The following ATP7A variants were observed in gnomAD, a reference collection of about 807,000 sequenced individuals.
ATP7A encodes ATPase copper transporting alpha.
ATP7A carries 7 observed loss-of-function variants against 83.5 expected under a neutral mutation model. The ratio of observed to expected loss-of-function variants is 0.08; its 90% CI spans 0.05 to 0.16. The LOEUF (loss-of-function observed/expected upper bound fraction) is 0.16, where lower values mean the gene tolerates loss of function less well. Ranked by LOEUF, ATP7A falls within the 10% of genes least tolerant of loss-of-function variation. The pLI is 1.00. For synonymous variants in ATP7A, 354 were observed against 395.2 expected, an observed-to-expected ratio of 0.90 and a Z score of 1.24; for missense variants, 940 against 1,120.8, an observed-to-expected ratio of 0.84 and a Z score of 2.30.
At chrX:78,010,104 A>C (rs1460445072) in intron 7 of ATP7A, among the ~76,000 whole-genome samples, 2 of 112,732 alleles carry the variant, frequency 1.8e-5, no homozygotes, top group African/African-American at 6.4e-5. Flanking sequence ...TGTATAGATG[A>C]CATTATCATT....
At chrX:77,989,037 T>C (rs991384786) in intron 3 of ATP7A, among the ~76,000 whole-genome samples, 196 bp from the exon 4 acceptor site, 3 of 111,191 alleles carry the variant, frequency 2.7e-5, no homozygotes, top group Non-Finnish European at 5.7e-5. Flanking sequence ...TTGGAGACCA[T>C]AGCTACAGTG....
chrX:77,920,539 A>T (rs1380958620), intron 1 of ATP7A, among the ~76,000 whole-genome samples: 1 of 110,826 alleles, frequency 9.0e-6, no homozygotes, highest in East Asian at 2.8e-4. Context: ...TTTAGCTACC[A>T]CTTATAAGTG....
In ATP7A at chrX:78,003,550, T is replaced by A. The variant is rs782069237; in HGVS notation, c.1707+314T>A. 3.0e-4 allele frequency among the ~76,000 whole-genome samples: 33 copies of A among 110,703 alleles called. No individual in the cohort carries two copies. The South Asian group carries it at 9.5e-3, about 32-fold the overall frequency. ...TTCCAGTGCATTAAAGACTCAAATT[T>A]TATAAAGTCATAAAACCTGTGTAAG... On this transcript the variant is annotated intron_variant, in intron 6 of 22. Transcript: ENST00000341514.
chrX:77,998,338 T>G (rs2077717377), intron 4 of ATP7A, 140 bp from the exon 5 acceptor site: 4 of 584,915 alleles, frequency 6.8e-6, no homozygotes, highest in Admixed American at 5.2e-5. Context: ...AGAGATAACT[T>G]AATGCTAACG....
chrX:78,046,242 A>G, intron 22 of ATP7A, 52 bp from the exon 23 acceptor site: 2 of 1,171,057 alleles, frequency 1.7e-6, no homozygotes, highest in Non-Finnish European at 2.3e-6. Context: ...TGTAGCGAGC[A>G]TCTCATTTAC....
At chrX:77,914,327 T>A (rs1400181984) in intron 1 of ATP7A, among the ~76,000 whole-genome samples, 1 of 111,023 alleles carries the variant, frequency 9.0e-6, no homozygotes, top group African/African-American at 3.3e-5. Context: ...CATAACTCAC[T>A]GCAGTCTCGA....
In ATP7A at chrX:78,036,738, G is replaced by A. The variant is rs782435108; in HGVS notation, c.3512-2098G>A. On this transcript the variant is annotated intron_variant, in intron 17 of 22. Transcript: ENST00000341514. ...TCTACTAAAAATACAGAAATTAGTCGGGCGTGGTAGCAGGCACCTGTAATC... is the reference window on the plus strand; with the variant it reads ...TCTACTAAAAATACAGAAATTAGTCAGGCGTGGTAGCAGGCACCTGTAATC... Among the ~76,000 whole-genome samples the A allele has an allele frequency of 2.0e-4, 22 of 111,043 alleles. No individual in the cohort carries two copies. In the East Asian group the frequency reaches 5.4e-3, roughly 27 times the overall value.
chrX:77,933,164 C>T (rs1389807348), intron 1 of ATP7A, among the ~76,000 whole-genome samples: 1 of 111,700 alleles, frequency 9.0e-6, no homozygotes, highest in African/African-American at 3.3e-5. Flanking sequence ...CGAAACAACC[C>T]TCTGAAACAG....
In ATP7A at chrX:77,989,813, T is replaced by C; in HGVS notation, c.1191T>C (p.Gly397=). The change falls in exon 4 of 23, where the codon GGT becomes GGC. Residue 397 remains glycine, a synonymous_variant. Transcript: ENST00000341514. ...ATTCCTGTGTGCAGTCTATTGAGGGTGTCATATCAAAAAAGCCAGGTGTAA... is the reference window on the plus strand; with the variant it reads ...ATTCCTGTGTGCAGTCTATTGAGGGCGTCATATCAAAAAAGCCAGGTGTAA... ...TCNSCVQSIE[G]VISKKPGVKS... is the part of the protein sequence containing the mutation. The C allele has an allele frequency of 8.3e-7, 1 of 1,210,941 alleles. No individual in the cohort carries two copies. The highest frequency in any genetic ancestry group is 1.1e-6 in the Non-Finnish European group (1 of 895,123).
intron 17 of ATP7A, among the ~76,000 whole-genome samples, chrX:78,036,818 G>T (rs1269070806): frequency 9.0e-6 from 1 of 111,510 alleles, no homozygotes; most frequent in Non-Finnish European, 1.9e-5. Flanking sequence ...TCGGGGCAAG[G>T]GCAGAAGCAG....
At chrX:77,995,918 A>AT (rs1338808584) in intron 4 of ATP7A, among the ~76,000 whole-genome samples, 3 of 109,733 alleles carry the variant, frequency 2.7e-5, no homozygotes, top group East Asian at 2.9e-4. Context: ...TAATTTTTGT[A>AT]TTTTTTTTAG....
At chrX:77,999,606 A>T (rs1257258971) in intron 5 of ATP7A, among the ~76,000 whole-genome samples, 1 of 111,611 alleles carries the variant, frequency 9.0e-6, no homozygotes, top group African/African-American at 3.3e-5. Context: ...TGTTAACCAT[A>T]AAGATATGTG....
chrX:77,913,427 A>T (rs1000155972), intron 1 of ATP7A, among the ~76,000 whole-genome samples: 8 of 111,631 alleles, frequency 7.2e-5, no homozygotes, highest in Non-Finnish European at 1.3e-4. Context: ...GCTGGGGGAC[A>T]GATGAGTGAT....
At chrX:77,961,024 A>AT (rs1236260012) in intron 1 of ATP7A, among the ~76,000 whole-genome samples, 1 of 111,882 alleles carries the variant, frequency 8.9e-6, no homozygotes, top group Non-Finnish European at 1.9e-5. Flanking sequence ...TGTATATGTA[A>AT]TAAAGTAGTG....
intron 17 of ATP7A, among the ~76,000 whole-genome samples, chrX:78,035,348 C>T (rs1411372519): frequency 8.9e-6 from 1 of 112,018 alleles, no homozygotes; most frequent in African/African-American, 3.2e-5. Context: ...ATTTTGCTAA[C>T]ATGGAAATCT....
chrX:77,914,639 A>G (rs1301979103), intron 1 of ATP7A, among the ~76,000 whole-genome samples: 5 of 110,708 alleles, frequency 4.5e-5, no homozygotes, highest in African/African-American at 1.6e-4. Context: ...ACTGACCTCA[A>G]GTGATCCACC....
At chrX:78,000,333 C>T (rs1557233014) in intron 5 of ATP7A, among the ~76,000 whole-genome samples, 1 of 110,954 alleles carries the variant, frequency 9.0e-6, no homozygotes, top group African/African-American at 3.3e-5. Context: ...AAGAAGCATT[C>T]AAGGTTTCTA....
chrX:78,023,834 G>A (rs1761450908), intron 14 of ATP7A, among the ~76,000 whole-genome samples: 1 of 111,407 alleles, frequency 9.0e-6, no homozygotes, highest in Admixed American at 9.6e-5. Flanking sequence ...TGGTTTTGTT[G>A]CAATTGTTTT....
chrX:78,037,846 A>G (rs1356963738), intron 17 of ATP7A, among the ~76,000 whole-genome samples: 1 of 109,948 alleles, frequency 9.1e-6, no homozygotes, highest in Admixed American at 9.7e-5. Flanking sequence ...GACTACCCCA[A>G]TAAATGGGGT....
Sources: allele counts gnomAD v4.1 joint callset (sites outside exome capture counted in the v4.1 genomes callset), GRCh38; gene constraint gnomAD v4.1.1; transcripts MANE v1.5; gene names NCBI Gene and HGNC (gene_info 2026-07-23, HGNC 2026-07-21).